RERE: variants seen among roughly 807,000 people sequenced by gnomAD.
RERE encodes the protein arginine-glutamic acid dipeptide repeats.
A neutral mutation model predicts 146.1 loss-of-function variants in RERE; 40 were observed. The ratio of observed to expected loss-of-function variants is 0.27; its 90% CI spans 0.21 to 0.36. RERE has a LOEUF of 0.36. RERE is among the 10% of genes least tolerant of loss of function. RERE has a pLI of 1.00. For synonymous variants in RERE, 1,003 were observed against 866.0 expected (o/e 1.16, Z -2.78); for missense variants, 1,933 against 2,138.7 (o/e 0.90, Z 1.90).
intron 12 of RERE, among the ~76,000 whole-genome samples, chr1:8,382,116 C>A (rs192373109): frequency 4.3e-4 from 66 of 152,364 alleles, no homozygotes; most frequent in African/African-American, 1.5e-3. Context: ...CACCAAATTC[C>A]TTCAGTGTGC....
intron 1 of RERE, chr1:8,753,533 A>G (rs566041479): frequency 2.6e-5 from 4 of 152,146 alleles, no homozygotes; most frequent in Non-Finnish European, 4.4e-5. Context: ...CAACTCATCA[A>G]AGTCAAGACA....
At chr1:8,755,766 T>C (rs573196677) in intron 1 of RERE, among the ~76,000 whole-genome samples, 2 of 152,200 alleles carry the variant, frequency 1.3e-5, no homozygotes, top group Admixed American at 1.3e-4. Context: ...ATTTCTAAAA[T>C]GCAAAACCCC....
At chr1:8,784,452 G>C (rs1464476866) in intron 1 of RERE, among the ~76,000 whole-genome samples, 1 of 151,570 alleles carries the variant, frequency 6.6e-6, no homozygotes, top group Non-Finnish European at 1.5e-5. Context: ...GGGTTTTTAG[G>C]TTTGCTTGGG....
At position 8,654,625 on chromosome 1, in the gene RERE, G is replaced by GTTTT. The variant is rs1457159066; in HGVS notation, c.325+1344_325+1347dup. ...ACTGGCTTCTGTAAGAAAGGATCTT[G>GTTTT]TTTTGTTTTTTTTTGTTTTTTTTTT... On this transcript the variant is annotated intron_variant, in intron 2 of 22. Coordinates refer to ENST00000400908, the MANE Select transcript of RERE (RefSeq NM_001042681.2). Among the ~76,000 whole-genome samples, 22 of 148,216 alleles carry GTTTT rather than the reference G, an allele frequency of 1.5e-4. 1 individual carries two copies. The highest frequency in any genetic ancestry group is 5.2e-4 in the African/African-American group (21 of 40,120).
chr1:8,579,354 A>G (rs1410504560), intron 4 of RERE, among the ~76,000 whole-genome samples: 3 of 152,222 alleles, frequency 2.0e-5, no homozygotes, highest in Non-Finnish European at 4.4e-5. Context: ...CCTATTAACA[A>G]TATTACCGTA....
At chr1:8,706,113 C>CAAAAAAA (rs61016240) in intron 1 of RERE, among the ~76,000 whole-genome samples, 2 of 69,188 alleles carry the variant, frequency 2.9e-5, no homozygotes, top group East Asian at 8.6e-4. Context: ...ACTCCGTCTC[C>CAAAAAAA]AAAAAAAAAA....
At chr1:8,448,929 G>A (rs1391313759) in intron 11 of RERE, among the ~76,000 whole-genome samples, 1 of 151,806 alleles carries the variant, frequency 6.6e-6, no homozygotes, top group African/African-American at 2.4e-5. Flanking sequence ...AAGAATGACT[G>A]GACACGATGT....
intron 12 of RERE, among the ~76,000 whole-genome samples, chr1:8,378,443 C>T (rs1642336856): frequency 6.6e-6 from 1 of 152,202 alleles, no homozygotes; most frequent in East Asian, 1.9e-4. Context: ...AAGCTCTAAC[C>T]CCCAGGGCCT....
chr1:8,784,112 C>A (rs1034765454), intron 1 of RERE, among the ~76,000 whole-genome samples: 1 of 152,196 alleles, frequency 6.6e-6, no homozygotes, highest in African/African-American at 2.4e-5. Context: ...CACTCTACCC[C>A]CTGCTCATTC....
chr1:8,554,864 C>A (rs1420332818), intron 6 of RERE, among the ~76,000 whole-genome samples: 1 of 151,424 alleles, frequency 6.6e-6, no homozygotes, highest in African/African-American at 2.4e-5. Context: ...AGGATTAAGT[C>A]ACTGGTCCCA....
intron 4 of RERE, among the ~76,000 whole-genome samples, chr1:8,579,324 C>T (rs1490021062): frequency 6.6e-6 from 1 of 152,158 alleles, no homozygotes; most frequent in African/African-American, 2.4e-5. Flanking sequence ...GTAATTAACA[C>T]ATAATAGAGC....
At chr1:8,751,097 A>C in intron 1 of RERE, 1 of 480,146 alleles carries the variant, frequency 2.1e-6, no homozygotes, top group Non-Finnish European at 3.8e-6. Context: ...GAAAACCTTG[A>C]CTATCTACAA....
chr1:8,620,409 C>T (rs1229190680), intron 3 of RERE, among the ~76,000 whole-genome samples: 1 of 152,216 alleles, frequency 6.6e-6, no homozygotes, highest in Non-Finnish European at 1.5e-5. Context: ...AGCAAGTGAG[C>T]TTGCCTATGC....
At chr1:8,495,030 T>C (rs747935865) in intron 10 of RERE, 33 bp downstream of exon 10, 18 of 1,456,220 alleles carry the variant, frequency 1.2e-5, no homozygotes, top group Non-Finnish European at 1.6e-5. Flanking sequence ...AAAAGAAGTG[T>C]CTTCCCACTC....
chr1:8,737,881 CAA>C (rs1640232175), intron 1 of RERE, among the ~76,000 whole-genome samples: 1 of 152,194 alleles, frequency 6.6e-6, no homozygotes, highest in African/African-American at 2.4e-5. Flanking sequence ...TAGCATAAAT[CAA>C]AGTTTTAAAT....
At chr1:8,786,457 T>C in intron 1 of RERE, 1 of 908,084 alleles carries the variant, frequency 1.1e-6, no homozygotes, top group Non-Finnish European at 1.8e-6. Context: ...TTTATTCATC[T>C]TGCCATAACC....
At chr1:8,752,911 A>T (rs1640567243) in intron 1 of RERE, among the ~76,000 whole-genome samples, 1 of 152,176 alleles carries the variant, frequency 6.6e-6, no homozygotes, top group African/African-American at 2.4e-5. Flanking sequence ...ACATTATTAA[A>T]TTGTGTATTG....
intron 11 of RERE, among the ~76,000 whole-genome samples, chr1:8,443,582 G>A (rs1305106086): frequency 6.6e-6 from 1 of 151,582 alleles, no homozygotes; most frequent in Non-Finnish European, 1.5e-5. Context: ...TGATATCCAA[G>A]ACAATGAGGG....
chr1:8,692,965 C>A (rs761750987), intron 1 of RERE, among the ~76,000 whole-genome samples: 4 of 152,138 alleles, frequency 2.6e-5, no homozygotes, highest in Non-Finnish European at 5.9e-5. Flanking sequence ...GTCCTCGTTT[C>A]TCCTGCTCCA....
Sources: gnomAD v4.1 joint callset for allele counts (sites outside exome capture counted in the v4.1 genomes callset) on GRCh38, gnomAD v4.1.1 for gene constraint, MANE v1.5 for transcripts, NCBI Gene and HGNC (gene_info 2026-07-23, HGNC 2026-07-21) for gene names.